RORB: variants seen among roughly 807,000 people sequenced by gnomAD.
RORB encodes the protein RAR related orphan receptor B.
RORB carries 6 observed loss-of-function variants against 59.1 expected under a neutral mutation model. The observed-to-expected ratio is 0.10, with a 90% CI of 0.06 to 0.20. RORB has a LOEUF of 0.20. RORB is among the 10% of genes least tolerant of loss of function. The pLI is 1.00. For synonymous variants in RORB, 215 were observed against 204.5 expected (o/e 1.05, Z -0.44); for missense variants, 320 against 560.5 (o/e 0.57, Z 4.33).
rs144723011 is a variant in RORB, at chr9:74,556,271, C to T, written c.7+58288C>T. Among the ~76,000 whole-genome samples, 575 of 152,240 alleles carry T rather than the reference C, an allele frequency of 3.8e-3. 5 individuals are homozygous for T. The highest frequency in any genetic ancestry group is 3.7e-3 in the Non-Finnish European group (253 of 68,030). ...ATATATTATACTTATTACTGAGATA[C>T]GTTATTGTAGAAACACAAGGGCCTC... On this transcript the variant is annotated intron_variant, in intron 1 of 9. Transcript: ENST00000376896.
chr9:74,667,368 C>T (rs367560616), intron 7 of RORB, among the ~76,000 whole-genome samples: 5 of 152,314 alleles, frequency 3.3e-5, no homozygotes, highest in East Asian at 1.9e-4. Context: ...TCAAGTGTTA[C>T]GAAGACTGAC....
chr9:74,648,881 C>T (rs999722261), intron 4 of RORB, among the ~76,000 whole-genome samples: 3 of 152,138 alleles, frequency 2.0e-5, no homozygotes, highest in African/African-American at 4.8e-5. Flanking sequence ...AGGGCAAACG[C>T]ACCTGTCCTC....
intron 1 of RORB, among the ~76,000 whole-genome samples, chr9:74,593,446 A>G (rs1822929341): frequency 6.8e-6 from 1 of 147,480 alleles, no homozygotes; most frequent in African/African-American, 2.5e-5. Context: ...AGCCTGGGCA[A>G]CAAGAGCTCA....
intron 3 of RORB, among the ~76,000 whole-genome samples, chr9:74,637,729 A>G (rs1048117855): frequency 4.6e-5 from 7 of 152,224 alleles, no homozygotes; most frequent in Non-Finnish European, 1.0e-4. Flanking sequence ...CCCTAAAAGG[A>G]CAGGTTTCAC....
intron 4 of RORB, among the ~76,000 whole-genome samples, chr9:74,658,031 AAAG>A (rs1824116618): frequency 6.7e-6 from 1 of 150,222 alleles, no homozygotes; most frequent in Non-Finnish European, 1.5e-5. Context: ...AAAAAAAAGA[AAAG>A]AAAAGAAAAG....
chr9:74,664,804 G>A (rs922096610), intron 6 of RORB, among the ~76,000 whole-genome samples: 11 of 152,224 alleles, frequency 7.2e-5, no homozygotes, highest in African/African-American at 2.7e-4. Flanking sequence ...CAAATCTGTG[G>A]CTGCTGAGTC....
intron 1 of RORB, among the ~76,000 whole-genome samples, chr9:74,515,004 G>T (rs1445288921): frequency 6.7e-6 from 1 of 150,236 alleles, no homozygotes; most frequent in Non-Finnish European, 1.5e-5. Context: ...TCCATAGTAG[G>T]TCATTGAAAA....
intron 1 of RORB, among the ~76,000 whole-genome samples, chr9:74,621,852 T>C (rs1395401167): frequency 6.6e-6 from 1 of 152,222 alleles, no homozygotes; most frequent in Non-Finnish European, 1.5e-5. Context: ...ATATGCTTAT[T>C]TTCCATTCAT....
At chr9:74,677,147 TAGAG>T (rs1381849014) in intron 9 of RORB, among the ~76,000 whole-genome samples, 1 of 152,114 alleles carries the variant, frequency 6.6e-6, no homozygotes, top group Non-Finnish European at 1.5e-5. Context: ...GGCTACGACA[TAGAG>T]AGAGTAGATT....
chr9:74,633,288 G>A, intron 2 of RORB, among the ~76,000 whole-genome samples: 1 of 148,586 alleles, frequency 6.7e-6, no homozygotes, highest in East Asian at 1.9e-4. Context: ...GCCTCACTAG[G>A]CGTACCTAGC....
intron 1 of RORB, among the ~76,000 whole-genome samples, chr9:74,616,816 AG>A (rs1401076044): frequency 1.3e-5 from 2 of 152,082 alleles, no homozygotes; most frequent in Non-Finnish European, 2.9e-5. Flanking sequence ...GGCCGATTTT[AG>A]GGGTTTATGT....
intron 1 of RORB, among the ~76,000 whole-genome samples, chr9:74,555,285 A>T (rs745440955): frequency 6.6e-6 from 1 of 152,162 alleles, no homozygotes; most frequent in Non-Finnish European, 1.5e-5. Flanking sequence ...CTTCTTTTTC[A>T]TGTACCACAG....
At chr9:74,503,345 C>A (rs1825826937) in intron 1 of RORB, among the ~76,000 whole-genome samples, 1 of 152,050 alleles carries the variant, frequency 6.6e-6, no homozygotes, top group Non-Finnish European at 1.5e-5. Flanking sequence ...TCTGTTGATA[C>A]ACACTGATAC....
At chr9:74,669,479 CAAAAA>C (rs35519349) in intron 8 of RORB, among the ~76,000 whole-genome samples, 1 of 103,448 alleles carries the variant, frequency 9.7e-6, no homozygotes, top group Non-Finnish European at 2.2e-5. Flanking sequence ...AACTCTGTCT[CAAAAA>C]AAAAAAAAAA....
intron 2 of RORB, among the ~76,000 whole-genome samples, chr9:74,631,145 G>C (rs1006810393): frequency 1.3e-5 from 2 of 152,200 alleles, no homozygotes; most frequent in African/African-American, 4.8e-5. Context: ...TGGAGGAATA[G>C]CAGTAAACGT....
Position 74,498,129 on chromosome 9 carries a change from C to A in RORB, c.7+146C>A, listed in dbSNP as rs1308703794. 3.4e-6 allele frequency: 3 copies of A among 883,190 alleles called. No homozygotes were observed. The East Asian group carries it at 8.0e-5, about 23-fold the overall frequency. The allele number at this position is 883,190 out of a possible 1,614,324, so 54.7% of individuals were successfully genotyped here. A position where few individuals can be genotyped will look rare whatever the true frequency, so the allele number is the denominator to read the frequency against. On this transcript the variant is annotated intron_variant, in intron 1 of 9. Coordinates refer to ENST00000376896, the MANE Select transcript of RORB (RefSeq NM_006914.4). ...GAATTCGCTCTCGCAGGTGGGGCTG[C>A]AAATGGCCTGGGCGTAGAAAGTTGC...
At chr9:74,609,648 C>G (rs1398147659) in intron 1 of RORB, among the ~76,000 whole-genome samples, 1 of 152,182 alleles carries the variant, frequency 6.6e-6, no homozygotes. Flanking sequence ...TTTTATTTCT[C>G]AAACAGCAAA....
intron 9 of RORB, among the ~76,000 whole-genome samples, chr9:74,678,534 T>C (rs773759153): frequency 6.6e-6 from 1 of 152,192 alleles, no homozygotes; most frequent in African/African-American, 2.4e-5. Context: ...ACAACAATGC[T>C]AATAAGTGAA....
intron 1 of RORB, among the ~76,000 whole-genome samples, chr9:74,549,306 T>C (rs995479785): frequency 6.6e-6 from 1 of 151,674 alleles, no homozygotes; most frequent in Non-Finnish European, 1.5e-5. Flanking sequence ...TAGCTGGGCA[T>C]GGGAGCAGGC....
Sources: gnomAD v4.1 joint callset for allele counts (sites outside exome capture counted in the v4.1 genomes callset) on GRCh38, gnomAD v4.1.1 for gene constraint, MANE v1.5 for transcripts, NCBI Gene and HGNC (gene_info 2026-07-23, HGNC 2026-07-21) for gene names.